Variants in CDK2 observed in about 807,000 individuals in gnomAD.
The protein encoded by CDK2 is cyclin-dependent kinase 2.
In CDK2, 8 loss-of-function variants were observed where a neutral mutation model predicts 35.0. That is an observed-to-expected ratio of 0.23 (90% CI 0.13 to 0.41). The LOEUF is 0.41. Ranked by LOEUF, CDK2 falls within the 10% of genes least tolerant of loss-of-function variation. The probability of loss-of-function intolerance (pLI) is 1.00; values close to 1 mark genes in which losing one functional copy is unlikely to be tolerated. For missense variants in CDK2, 201 were observed against 367.1 expected (o/e 0.55, Z 3.70); for synonymous variants, 134 against 137.7 (o/e 0.97, Z 0.19).
At chr12:55,967,278 A>AAG in intron 1 of CDK2, 154 bp downstream of exon 1, 1 of 641,960 alleles carries the variant, frequency 1.6e-6, no homozygotes, top group South Asian at 1.8e-5. Context: ...GTAGAAGGTG[A>AAG]AGAGTATACT....
intron 1 of CDK2, chr12:55,967,328 T>C (rs936779600): frequency 3.6e-6 from 2 of 557,712 alleles, no homozygotes; most frequent in East Asian, 2.9e-5. Flanking sequence ...GTGGAATCCA[T>C]GGAAAACTTT....
rs376551262 is a variant in CDK2, at chr12:55,966,981, C to T, written c.-28C>T. The T allele has an allele frequency of 1.2e-4, 192 of 1,566,364 alleles. No individual in the cohort carries two copies. The African/African-American group carries it at 2.3e-3, about 19-fold the overall frequency. ...GGGTTCCCAGGCCCCCGCTCCAGGG[C>T]CGGGCTGACCCGACTCGCTGGCGCT... is the stretch of plus-strand genomic sequence containing the variant. On this transcript the variant is annotated 5_prime_UTR_variant, in exon 1 of 7. Coordinates refer to ENST00000266970, the MANE Select transcript of CDK2 (RefSeq NM_001798.5).
intron 6 of CDK2, 136 bp from the exon 7 acceptor site, chr12:55,971,385 A>G: frequency 1.8e-6 from 2 of 1,090,972 alleles, no homozygotes; most frequent in Non-Finnish European, 2.8e-6. Context: ...TGGCACACTG[A>G]TTCAGCTATG....
intron 5 of CDK2, 69 bp downstream of exon 5, chr12:55,969,645 T>C: frequency 1.2e-6 from 1 of 845,304 alleles, no homozygotes; most frequent in Non-Finnish European, 1.9e-6. Context: ...ACAACAGAAC[T>C]GCTTCTTGGC....
intron 4 of CDK2, 66 bp downstream of exon 4, chr12:55,969,014 T>C: frequency 7.4e-6 from 9 of 1,212,018 alleles, no homozygotes; most frequent in Non-Finnish European, 1.0e-5. Context: ...ATTCACAAAG[T>C]TACTAAAAAT....
rs140877773 is a variant in CDK2, at chr12:55,971,483, A to G, written c.793-38A>G. 13,599 of 1,467,748 alleles carry G rather than the reference A, an allele frequency of 9.3e-3. 86 individuals are homozygous for G. The highest frequency in any genetic ancestry group is 0.01 in the Non-Finnish European group (10,886 of 1,046,606). 90.9% of individuals were successfully genotyped at this position (1,467,748 alleles called of 1,614,324 possible). On this transcript the variant is annotated intron_variant, in intron 6 of 6. Coordinates refer to ENST00000266970, the MANE Select transcript of CDK2 (RefSeq NM_001798.5). Reference sequence around the variant, plus strand: ...ACACCTGCTGCCCATTTAGTCCACTATCACATCATTGAAGTCAACATGCAT... The same window carrying G: ...ACACCTGCTGCCCATTTAGTCCACTGTCACATCATTGAAGTCAACATGCAT...
At chr12:55,970,039 TG>T (rs1464541006) in intron 5 of CDK2, among the ~76,000 whole-genome samples, 1 of 152,034 alleles carries the variant, frequency 6.6e-6, no homozygotes, top group Non-Finnish European at 1.5e-5. Flanking sequence ...ACCAGCACTT[TG>T]GGAGGCTGAG....
intron 5 of CDK2, 62 bp from the exon 6 acceptor site, chr12:55,970,982 T>G (rs555406549): frequency 1.4e-6 from 2 of 1,413,846 alleles, no homozygotes; most frequent in Non-Finnish European, 1.0e-6. Flanking sequence ...CTCCTTTGTA[T>G]AGAGGAGAGT....
At chr12:55,967,377 A>G in intron 1 of CDK2, 1 of 523,284 alleles carries the variant, frequency 1.9e-6, no homozygotes, top group Non-Finnish European at 3.5e-6. Flanking sequence ...CAAATGTGCG[A>G]CTACAGACTC....
intron 5 of CDK2, among the ~76,000 whole-genome samples, chr12:55,970,288 C>CA (rs60371110): frequency 0.077 from 1,670 of 21,570 alleles, 201 homozygotes; most frequent in East Asian, 0.18. Context: ...GATTCCATCT[C>CA]AAAAAAAAAA....
In CDK2 at chr12:55,968,872, C is replaced by T. The variant is rs1449200295; in HGVS notation, c.410C>T (p.Thr137Ile). 1 of 1,612,394 alleles carries T rather than the reference C, an allele frequency of 6.2e-7. No homozygotes were observed. Residue 137 changes from threonine (T) to isoleucine (I), a missense_variant, in exon 4 of 7, where the codon ACA (threonine) becomes ATA (isoleucine). By Grantham distance (89) the Thr-to-Ile change is moderately conservative. Transcript: ENST00000266970. ...DLKPQNLLIN[T>I]EGAIKLADFG... is the part of the protein sequence containing the mutation. ...AAACCTCAGAATCTGCTTATTAACACAGAGGGGGCCATCAAGCTAGCAGAC... is the reference window on the plus strand; with the variant it reads ...AAACCTCAGAATCTGCTTATTAACATAGAGGGGGCCATCAAGCTAGCAGAC...
At position 55,968,888 on chromosome 12, in the gene CDK2, G is replaced by A. The variant is rs1472087628; in HGVS notation, c.426G>A (p.Lys142=). ...NLLINTEGAI[K]LADFGLARAF... Reference sequence around the variant, plus strand: ...TTATTAACACAGAGGGGGCCATCAAGCTAGCAGACTTTGGACTAGCCAGAG... The same window carrying A: ...TTATTAACACAGAGGGGGCCATCAAACTAGCAGACTTTGGACTAGCCAGAG... The change falls in exon 4 of 7, where the codon AAG becomes AAA. Residue 142 remains lysine, a synonymous_variant. Transcript: ENST00000266970. 1.2e-6 allele frequency: 2 copies of A among 1,611,144 alleles called. No individual in the cohort carries two copies. Among genetic ancestry groups the A allele is most frequent in the East Asian group, 4.5e-5 (2 of 44,648 alleles).
intron 1 of CDK2, chr12:55,967,647 C>A (rs971421950): frequency 3.1e-5 from 18 of 572,744 alleles, no homozygotes; most frequent in East Asian, 1.2e-4. Flanking sequence ...TACTTACCTA[C>A]CCCTGGGAAA....
At position 55,967,098 on chromosome 12, in the gene CDK2, G is replaced by A; in HGVS notation, c.90G>A (p.Val30=). 3 of 1,613,592 alleles carry A rather than the reference G, an allele frequency of 1.9e-6. No homozygotes were observed. Among genetic ancestry groups the A allele is most frequent in the Non-Finnish European group, 2.5e-6 (3 of 1,179,774 alleles). ...GAAACAAGTTGACGGGAGAGGTGGT[G>A]GCGCTTAAGAAAATCCGCCTGGACA... The part of the protein sequence containing the change: ...KARNKLTGEV[V]ALKKIRLDTE... Residue 30 remains valine (V), a synonymous_variant, in exon 1 of 7, where the codon GTG becomes GTA. Transcript: ENST00000266970.
rs761072055 is a variant in CDK2, at chr12:55,967,038, C to T, written c.30C>T (p.Ile10=). 15 of 1,613,682 alleles carry T rather than the reference C, an allele frequency of 9.3e-6. No individual in the cohort carries two copies. In the Admixed American group the frequency reaches 1.3e-4, roughly 14 times the overall value. Reference sequence around the variant, plus strand: ...AGAACTTCCAAAAGGTGGAAAAGATCGGAGAGGGCACGTACGGAGTTGTGT... The same window carrying T: ...AGAACTTCCAAAAGGTGGAAAAGATTGGAGAGGGCACGTACGGAGTTGTGT... MENFQKVEK[I]GEGTYGVVYK... is the part of the protein sequence containing the mutation. Residue 10 remains isoleucine (I), a synonymous_variant, in exon 1 of 7, where the codon ATC becomes ATT. Transcript: ENST00000266970.
intron 5 of CDK2, 96 bp from the exon 6 acceptor site, chr12:55,970,948 C>A: frequency 9.5e-7 from 1 of 1,054,948 alleles, no homozygotes; most frequent in South Asian, 1.3e-5. Flanking sequence ...TGGGGCCCTG[C>A]TGACCTTTTA....
At chr12:55,970,999 T>G in intron 5 of CDK2, 45 bp from the exon 6 acceptor site, 1 of 1,542,864 alleles carries the variant, frequency 6.5e-7, no homozygotes, top group Non-Finnish European at 9.0e-7. Flanking sequence ...GAGTTTTGAC[T>G]GACGTCAACG....
Position 55,969,459 on chromosome 12 carries a change from T to A in CDK2, c.487-16T>A. The A allele has an allele frequency of 6.7e-7, 1 of 1,490,410 alleles. No individual in the cohort carries two copies. Among genetic ancestry groups the A allele is most frequent in the Non-Finnish European group, 9.3e-7 (1 of 1,074,072 alleles). 92.3% of individuals were successfully genotyped at this position (1,490,410 alleles called of 1,614,324 possible). On this transcript the variant is annotated splice_polypyrimidine_tract_variant and intron_variant, in intron 4 of 6. Coordinates refer to ENST00000266970, the MANE Select transcript of CDK2 (RefSeq NM_001798.5). Reference sequence around the variant, plus strand: ...CCCTATAAACCACCCCGCCCCTCCCTATTCCCGTCCCTCAGGTGGTGACCC... The same window carrying A: ...CCCTATAAACCACCCCGCCCCTCCCAATTCCCGTCCCTCAGGTGGTGACCC...
chr12:55,967,849 T>C lies in CDK2; in HGVS notation c.117-8T>C. On this transcript the variant is annotated splice_region_variant and splice_polypyrimidine_tract_variant and intron_variant, in intron 1 of 6. Coordinates refer to ENST00000266970, the MANE Select transcript of CDK2 (RefSeq NM_001798.5). ...TATTCCCATCTCTGCTTTCCCAACCTCTCCAAGTGAGACTGAGGGTGTGCC... is the reference window on the plus strand; with the variant it reads ...TATTCCCATCTCTGCTTTCCCAACCCCTCCAAGTGAGACTGAGGGTGTGCC... The C allele has an allele frequency of 1.9e-6, 3 of 1,612,374 alleles. No individual in the cohort carries two copies. Among genetic ancestry groups the C allele is most frequent in the Non-Finnish European group, 2.5e-6 (3 of 1,178,452 alleles).
Sources: allele counts gnomAD v4.1 joint callset (sites outside exome capture counted in the v4.1 genomes callset), GRCh38; gene constraint gnomAD v4.1.1; transcripts MANE v1.5; gene names NCBI Gene and HGNC (gene_info 2026-07-23, HGNC 2026-07-21).